SRC: variants seen among roughly 807,000 people sequenced by gnomAD.
The protein encoded by SRC is proto-oncogene tyrosine-protein kinase Src.
SRC carries 13 observed loss-of-function variants against 62.9 expected under a neutral mutation model. That is an observed-to-expected ratio of 0.21 (90% CI 0.13 to 0.33). The LOEUF is 0.33. Among genes scored for constraint, SRC ranks in the 10% least tolerant of loss-of-function variants. SRC has a pLI of 1.00. For synonymous variants in SRC, 302 were observed against 317.5 expected, an observed-to-expected ratio of 0.95 and a Z score of 0.52; for missense variants, 457 against 737.3, an observed-to-expected ratio of 0.62 and a Z score of 4.40.
intron 1 of SRC, among the ~76,000 whole-genome samples, chr20:37,347,980 C>A (rs1221918030): frequency 6.6e-6 from 1 of 152,186 alleles, no homozygotes; most frequent in East Asian, 1.9e-4. Context: ...AGCCACGAGG[C>A]CTTTTTGGTG....
At chr20:37,391,554 C>G (rs1164839377) in intron 5 of SRC, among the ~76,000 whole-genome samples, 1 of 152,170 alleles carries the variant, frequency 6.6e-6, no homozygotes, top group Non-Finnish European at 1.5e-5. Flanking sequence ...GTTTCCCCAA[C>G]TCTCTAAAGA....
chr20:37,368,529 T>TGTTTTTTTTTTTTTG lies in SRC; in HGVS notation c.-173+3252_-173+3253insGTTTTTTTTTTTTTG, dbSNP rs1568625201. 3.3e-5 allele frequency among the ~76,000 whole-genome samples: 4 copies of TGTTTTTTTTTTTTTG among 122,966 alleles called. No individual in the cohort carries two copies. In the East Asian group the frequency reaches 7.3e-4, roughly 22 times the overall value. 80.7% of individuals were successfully genotyped at this position (122,966 alleles called of 152,430 possible). A position where few individuals can be genotyped will look rare whatever the true frequency, so the allele number is the denominator to read the frequency against. On this transcript the variant is annotated intron_variant, in intron 2 of 13. Coordinates refer to ENST00000373578, the MANE Select transcript of SRC (RefSeq NM_198291.3). ...TATGCCTATATTTTCTTTTTTTTTT[T>TGTTTTTTTTTTTTTG]TTTTTTTTTTTTTTGTTTTTTTTTT...
intron 7 of SRC, among the ~76,000 whole-genome samples, 188 bp from the exon 8 acceptor site, chr20:37,395,974 G>A (rs1288009297): frequency 6.6e-6 from 1 of 152,122 alleles, no homozygotes; most frequent in Non-Finnish European, 1.5e-5. Context: ...CTAATCAAGT[G>A]TCTCTTGGGT....
In SRC at chr20:37,384,758, G is replaced by A. The variant is rs2070424764; in HGVS notation, c.250+355G>A. Among the ~76,000 whole-genome samples the A allele has an allele frequency of 6.6e-6, 1 of 152,180 alleles. No individual in the cohort carries two copies. The highest frequency in any genetic ancestry group is 2.4e-5 in the African/African-American group (1 of 41,444). On this transcript the variant is annotated intron_variant, in intron 4 of 13. Transcript: ENST00000373578. This position sits in a 1 kb window ranked among gnomAD's most constrained non-coding sequence, Gnocchi z 6.7. ...CTGGGTCCGCCCAGAGATGAGTCGGGACGCGCGGCCCACGTGCGGCGGAGG... is the reference window on the plus strand; with the variant it reads ...CTGGGTCCGCCCAGAGATGAGTCGGAACGCGCGGCCCACGTGCGGCGGAGG...
At chr20:37,365,587 G>T (rs796896686) in intron 2 of SRC, among the ~76,000 whole-genome samples, 47 of 152,110 alleles carry the variant, frequency 3.1e-4, no homozygotes, top group African/African-American at 9.9e-4. Flanking sequence ...TATTTGCAAA[G>T]AATTTTTTTT....
chr20:37,363,786 C>G lies in SRC; in HGVS notation c.-246-1418C>G, dbSNP rs116470438. On this transcript the variant is annotated intron_variant, in intron 1 of 13. Coordinates refer to ENST00000373578, the MANE Select transcript of SRC (RefSeq NM_198291.3). Reference sequence around the variant, plus strand: ...TTCCCAGGGGCTCTGGGTGGCCGTCCCGGTTAGGGAGACATGCAGAGCGTT... The same window carrying G: ...TTCCCAGGGGCTCTGGGTGGCCGTCGCGGTTAGGGAGACATGCAGAGCGTT... Among the ~76,000 whole-genome samples, 323 of 152,316 alleles carry G rather than the reference C, an allele frequency of 2.1e-3. 3 individuals are homozygous for G. The highest frequency in any genetic ancestry group is 7.3e-3 in the African/African-American group (302 of 41,582).
At chr20:37,372,689 A>G (rs552809713) in intron 2 of SRC, among the ~76,000 whole-genome samples, 1 of 152,168 alleles carries the variant, frequency 6.6e-6, no homozygotes, top group South Asian at 2.1e-4. Flanking sequence ...ATTTGCATTT[A>G]TCTTATGAGT....
At chr20:37,352,925 C>G (rs1547837) in intron 1 of SRC, among the ~76,000 whole-genome samples, 1 of 152,210 alleles carries the variant, frequency 6.6e-6, no homozygotes, top group Admixed American at 6.5e-5. Flanking sequence ...AACACCCTGC[C>G]GGTCCCACTG....
chr20:37,348,508 G>T (rs913175881), intron 1 of SRC, among the ~76,000 whole-genome samples: 2 of 152,208 alleles, frequency 1.3e-5, no homozygotes, highest in African/African-American at 4.8e-5. Flanking sequence ...ATTGTGCTGG[G>T]GTTAGCAGGG....
upstream of SRC, among the ~76,000 whole-genome samples, chr20:37,345,961 T>TG (rs1475163950): frequency 2.0e-5 from 3 of 149,154 alleles, no homozygotes; most frequent in Non-Finnish European, 4.5e-5. Flanking sequence ...CTCTCCCGGG[T>TG]CACCGGCGGG....
intron 5 of SRC, among the ~76,000 whole-genome samples, chr20:37,392,515 G>A (rs2070567911): frequency 6.6e-6 from 1 of 152,204 alleles, no homozygotes; most frequent in Admixed American, 6.5e-5. Flanking sequence ...CCTGCCTGCC[G>A]TGTGTCTTCT....
chr20:37,405,305 C>T lies in SRC; in HGVS notation c.*1926C>T, dbSNP rs547331068. 416 of 128,776 alleles carry T rather than the reference C, an allele frequency of 3.2e-3. No homozygotes were observed. Among genetic ancestry groups the T allele is most frequent in the Middle Eastern group, 0.023 (6 of 264 alleles). The allele number at this position is 128,776 out of a possible 1,614,324, so 8.0% of individuals were successfully genotyped here. A position where few individuals can be genotyped will look rare whatever the true frequency, so the allele number is the denominator to read the frequency against. On this transcript the variant is annotated 3_prime_UTR_variant, in exon 14 of 14. Transcript: ENST00000373578. ...GCCTGGGGGACCCCTGGCTCTGGGC[C>T]GGGCCTGGGGCTCCGAAATTCCAAG...
At chr20:37,373,903 A>C (rs1355585514) in intron 2 of SRC, among the ~76,000 whole-genome samples, 2 of 152,046 alleles carry the variant, frequency 1.3e-5, no homozygotes, top group African/African-American at 2.4e-5. Context: ...CTTTATAGTA[A>C]GGTTTACTGT....
upstream of SRC, among the ~76,000 whole-genome samples, chr20:37,345,499 T>G (rs2069703385): frequency 6.6e-6 from 1 of 152,206 alleles, no homozygotes; most frequent in East Asian, 1.9e-4. Flanking sequence ...TTTGCCCTTA[T>G]GCACTTAAAA....
At chr20:37,357,260 G>A (rs75477800) in intron 1 of SRC, among the ~76,000 whole-genome samples, 2,331 of 152,354 alleles carry the variant, frequency 0.015, 40 homozygotes, top group Non-Finnish European at 0.024. Context: ...GGTGGGAAAC[G>A]AAAGTCGGGC....
chr20:37,362,753 C>G (rs531562282), intron 1 of SRC, among the ~76,000 whole-genome samples: 2 of 152,186 alleles, frequency 1.3e-5, no homozygotes, highest in East Asian at 1.9e-4. Context: ...GTCTGCGAAG[C>G]CTCCTAACCC....
chr20:37,356,858 G>T (rs979427992), intron 1 of SRC, among the ~76,000 whole-genome samples: 3 of 152,326 alleles, frequency 2.0e-5, no homozygotes, highest in Admixed American at 6.5e-5. Context: ...AGATGGGCCT[G>T]GATTAGAATC....
Position 37,405,049 on chromosome 20 carries a change from A to G in SRC, c.*1670A>G. 4.3e-6 allele frequency: 1 copy of G among 230,674 alleles called. No homozygotes were observed. Among genetic ancestry groups the G allele is most frequent in the Non-Finnish European group, 8.6e-6 (1 of 116,834 alleles). The allele number at this position is 230,674 out of a possible 1,614,324, so 14.3% of individuals were successfully genotyped here. A position where few individuals can be genotyped will look rare whatever the true frequency, so the allele number is the denominator to read the frequency against. On this transcript the variant is annotated 3_prime_UTR_variant, in exon 14 of 14. Coordinates refer to ENST00000373578, the MANE Select transcript of SRC (RefSeq NM_198291.3). ...GTTCTTGAGCCAGCCAGGCCCTGCC[A>G]GTGGGGAAGGAGGCCAAGCAGTGCC...
In SRC at chr20:37,396,453, C is replaced by A. The variant is rs941074761; in HGVS notation, c.703+142C>A. The A allele has an allele frequency of 2.0e-6, 2 of 983,476 alleles. No homozygotes were observed. The highest frequency in any genetic ancestry group is 2.6e-5 in the Admixed American group (1 of 38,230). 60.9% of individuals were successfully genotyped at this position (983,476 alleles called of 1,614,324 possible). A position where few individuals can be genotyped will look rare whatever the true frequency, so the allele number is the denominator to read the frequency against. On this transcript the variant is annotated intron_variant, in intron 8 of 13. Coordinates refer to ENST00000373578, the MANE Select transcript of SRC (RefSeq NM_198291.3). This position sits in a 1 kb window ranked among gnomAD's most constrained non-coding sequence, Gnocchi z 6.1. ...TTCCCCCTCCCCCCTCCCTTCCTCT[C>A]TCCTCCCTTTTCCCTCCTTTCCTTG...
Sources: allele counts gnomAD v4.1 joint callset (sites outside exome capture counted in the v4.1 genomes callset), GRCh38; gene constraint gnomAD v4.1.1; non-coding constraint Gnocchi (gnomAD v3.1); transcripts MANE v1.5; gene names NCBI Gene and HGNC (gene_info 2026-07-23, HGNC 2026-07-21).